Variants in ZC3H12B observed in about 807,000 individuals in gnomAD.
ZC3H12B encodes zinc finger CCCH-type containing 12B, also known as probable ribonuclease ZC3H12B.
A neutral mutation model predicts 43.9 loss-of-function variants in ZC3H12B; 7 were observed. The observed-to-expected ratio is 0.16, with a 90% CI of 0.09 to 0.30. The LOEUF is 0.30. ZC3H12B is among the 10% of genes least tolerant of loss of function. The probability of loss-of-function intolerance (pLI) is 1.00; values close to 1 mark genes in which losing one functional copy is unlikely to be tolerated. For missense variants in ZC3H12B, 475 were observed against 670.2 expected (o/e 0.71, Z 3.22); for synonymous variants, 222 against 241.7 (o/e 0.92, Z 0.76).
the ZC3H12B span, among the ~76,000 whole-genome samples, chrX:65,168,614 G>A: frequency 9.0e-6 from 1 of 111,205 alleles, no homozygotes; most frequent in Non-Finnish European, 1.9e-5. Flanking sequence ...CAGAAGGAAT[G>A]GTACCAGCTC....
intron 3 of ZC3H12B, among the ~76,000 whole-genome samples, chrX:65,412,541 C>T (rs1480856524): frequency 8.9e-6 from 1 of 111,733 alleles, no homozygotes; most frequent in East Asian, 2.8e-4. Flanking sequence ...AATCACAGCT[C>T]ACTGCAACCT....
the ZC3H12B span, among the ~76,000 whole-genome samples, chrX:65,123,796 A>G: frequency 7.9e-5 from 8 of 100,714 alleles, no homozygotes; most frequent in Non-Finnish European, 1.6e-4. Flanking sequence ...CAGTTTGTTC[A>G]CTGTTGGTGT....
chrX:65,413,664 C>A (rs1030883430), intron 3 of ZC3H12B, among the ~76,000 whole-genome samples: 1 of 112,217 alleles, frequency 8.9e-6, no homozygotes, highest in African/African-American at 3.2e-5. Context: ...TGGTACCACG[C>A]TGTTATGATT....
chrX:65,119,834 G>A, the ZC3H12B span, among the ~76,000 whole-genome samples: 1 of 111,885 alleles, frequency 8.9e-6, no homozygotes, highest in Non-Finnish European at 1.9e-5. Context: ...TAAGGTGTAA[G>A]GAAGGGATCC....
chrX:65,190,891 A>T, the ZC3H12B span, among the ~76,000 whole-genome samples: 2 of 105,613 alleles, frequency 1.9e-5, no homozygotes, highest in African/African-American at 7.2e-5. Flanking sequence ...TTCAAAGGGA[A>T]TGCTTCCAGT....
At chrX:65,222,620 TA>T in the ZC3H12B span, among the ~76,000 whole-genome samples, 1 of 84,715 alleles carries the variant, frequency 1.2e-5, no homozygotes, top group Non-Finnish European at 2.0e-5. Flanking sequence ...ATAATAATAA[TA>T]ATAATAATAA....
the ZC3H12B span, among the ~76,000 whole-genome samples, chrX:65,103,505 C>T: frequency 3.6e-5 from 4 of 111,603 alleles, no homozygotes; most frequent in Admixed American, 2.9e-4. Context: ...ACATTCTCAG[C>T]TTACTAAGAT....
At chrX:65,418,445 A>T (rs768811900) in intron 3 of ZC3H12B, among the ~76,000 whole-genome samples, 80 of 111,744 alleles carry the variant, frequency 7.2e-4, no homozygotes, top group African/African-American at 2.5e-3. Flanking sequence ...CCAGACCTTA[A>T]GAGTGGGAAC....
At chrX:65,174,942 A>C in the ZC3H12B span, among the ~76,000 whole-genome samples, 320 of 109,418 alleles carry the variant, frequency 2.9e-3, 1 homozygote, top group Non-Finnish European at 4.9e-3. Context: ...AAACAAACAA[A>C]AAAAAAAAAC....
At chrX:65,451,209 C>T (rs1276914192) in intron 3 of ZC3H12B, among the ~76,000 whole-genome samples, 1 of 110,894 alleles carries the variant, frequency 9.0e-6, no homozygotes, top group Non-Finnish European at 1.9e-5. Flanking sequence ...CTCGGTATCC[C>T]AAAGTCCTGG....
the ZC3H12B span, among the ~76,000 whole-genome samples, chrX:65,148,090 G>T: frequency 9.0e-6 from 1 of 111,263 alleles, no homozygotes; most frequent in Non-Finnish European, 1.9e-5. Flanking sequence ...ACAGGGGCCA[G>T]CCTGGAGGAT....
At chrX:65,441,705 C>A (rs1177923853) in intron 3 of ZC3H12B, among the ~76,000 whole-genome samples, 1 of 111,772 alleles carries the variant, frequency 8.9e-6, no homozygotes, top group African/African-American at 3.3e-5. Context: ...ATCGCATTGT[C>A]CCTGCTGGTA....
At chrX:65,432,700 G>A (rs2067177614) in intron 3 of ZC3H12B, among the ~76,000 whole-genome samples, 1 of 112,031 alleles carries the variant, frequency 8.9e-6, no homozygotes. Flanking sequence ...TGTAGAATGG[G>A]CCAGATGCAA....
intron 2 of ZC3H12B, among the ~76,000 whole-genome samples, chrX:65,378,533 G>A (rs1289832818): frequency 1.8e-5 from 2 of 111,901 alleles, no homozygotes; most frequent in East Asian, 5.6e-4. Context: ...AAAGGAAGAC[G>A]AGAAGGAAGG....
At chrX:65,160,267 C>T in the ZC3H12B span, among the ~76,000 whole-genome samples, 5 of 111,885 alleles carry the variant, frequency 4.5e-5, no homozygotes, top group Non-Finnish European at 7.5e-5. Flanking sequence ...CAGGATGATG[C>T]TGGCCTCATA....
chrX:65,468,630 C>T (rs1368755912), intron 3 of ZC3H12B, among the ~76,000 whole-genome samples: 1 of 103,676 alleles, frequency 9.6e-6, no homozygotes, highest in African/African-American at 3.6e-5. Context: ...ACTACAGGTG[C>T]CCGCCACCGT....
chrX:65,100,566 CAAAAAAAAAAAAA>C, the ZC3H12B span, among the ~76,000 whole-genome samples: 15 of 4,531 alleles, frequency 3.3e-3, no homozygotes, highest in Non-Finnish European at 2.9e-3. Flanking sequence ...AAAGATAAAG[CAAAAAAAAAAAAA>C]AAAAAAAAAA....
At position 65,395,640 on chromosome X, in the gene ZC3H12B, G is replaced by GT. The variant is rs372399779; in HGVS notation, n.296-2945dup. On this transcript the variant is annotated intron_variant and non_coding_transcript_variant, in intron 2 of 5. Coordinates refer to the ZC3H12B transcript ENST00000617377. ...ATGTTCATCAGGGATATTGGCCTGA[G>GT]TTTTTTTTGTTGTTGTTGTGTCTTT... Among the ~76,000 whole-genome samples, 191 of 111,398 alleles carry GT rather than the reference G, an allele frequency of 1.7e-3. 2 individuals are homozygous for GT. Among genetic ancestry groups the GT allele is most frequent in the African/African-American group, 5.9e-3 (180 of 30,756 alleles).
intron 2 of ZC3H12B, among the ~76,000 whole-genome samples, chrX:65,374,025 T>C (rs1172699014): frequency 3.3e-5 from 2 of 60,082 alleles, no homozygotes; most frequent in Non-Finnish European, 5.5e-5. Flanking sequence ...ATATACAGTA[T>C]ATATATAACT....
Sources: gnomAD v4.1 joint callset for allele counts (sites outside exome capture counted in the v4.1 genomes callset) on GRCh38, gnomAD v4.1.1 for gene constraint, MANE v1.5 for transcripts, NCBI Gene and HGNC (gene_info 2026-07-23, HGNC 2026-07-21) for gene names.